The following MKLN1 variants were observed in gnomAD, a reference collection of about 807,000 sequenced individuals.
The protein encoded by MKLN1 is muskelin 1.
A neutral mutation model predicts 99.0 loss-of-function variants in MKLN1; 18 were observed. That is an observed-to-expected ratio of 0.18 (90% CI 0.13 to 0.27). The LOEUF (loss-of-function observed/expected upper bound fraction) is 0.27, where lower values mean the gene tolerates loss of function less well. Ranked by LOEUF, MKLN1 falls within the 10% of genes least tolerant of loss-of-function variation. The pLI is 1.00. For missense variants in MKLN1, 621 were observed against 875.9 expected (o/e 0.71, Z 3.67); for synonymous variants, 288 against 293.2 (o/e 0.98, Z 0.18).
chr7:131,360,285 C>A (rs1799992137), intron 1 of MKLN1, among the ~76,000 whole-genome samples: 1 of 152,142 alleles, frequency 6.6e-6, no homozygotes, highest in African/African-American at 2.4e-5. Flanking sequence ...CATTCACATA[C>A]AAATTGATTG....
At chr7:131,403,208 G>T (rs1794600637) in intron 6 of MKLN1, among the ~76,000 whole-genome samples, 1 of 152,082 alleles carries the variant, frequency 6.6e-6, no homozygotes, top group South Asian at 2.1e-4. Context: ...AACACTTGTG[G>T]CTTTACTTTG....
intron 1 of MKLN1, among the ~76,000 whole-genome samples, chr7:131,362,784 T>A (rs1340075267): frequency 3.9e-5 from 6 of 151,996 alleles, no homozygotes; most frequent in African/African-American, 1.4e-4. Flanking sequence ...TCTAGACAGA[T>A]ATTTCAAACT....
chr7:131,415,816 T>C (rs1207377093), intron 8 of MKLN1, among the ~76,000 whole-genome samples: 1 of 152,234 alleles, frequency 6.6e-6, no homozygotes, highest in Non-Finnish European at 1.5e-5. Flanking sequence ...GAATAATTAT[T>C]TATGAATATA....
chr7:131,336,764 A>C (rs1300558580), intron 1 of MKLN1, among the ~76,000 whole-genome samples: 1 of 152,108 alleles, frequency 6.6e-6, no homozygotes. Flanking sequence ...ATTGTCATGC[A>C]TTTCACGTCT....
chr7:131,279,997 A>C lies in MKLN1; in HGVS notation c.-179+77023A>C, dbSNP rs547216976. On this transcript the variant is annotated intron_variant, in intron 3 of 7. Transcript: ENST00000416992. The stretch of plus-strand genomic sequence containing the variant: ...AAGCCCACTCCAACCCCAGGCAACC[A>C]CTAATCTACTTGCTGTCTCTATGGA... 6.6e-5 allele frequency among the ~76,000 whole-genome samples: 10 copies of C among 152,176 alleles called. No homozygotes were observed. The East Asian group carries it at 1.9e-3, about 29-fold the overall frequency.
rs145204190 is a variant in MKLN1 at position 131,314,570 on chromosome 7, C to T, written c.-178-60854C>T. Among the ~76,000 whole-genome samples the T allele has an allele frequency of 5.9e-3, 891 of 151,782 alleles. 9 individuals are homozygous for T. The highest frequency in any genetic ancestry group is 0.021 in the African/African-American group (866 of 41,372). ...CCCGAGTAGCTGGGACTACAGGCAC[C>T]TGCCACCACGCCTAGCTAATTTTTT... On this transcript the variant is annotated intron_variant, in intron 3 of 7. Transcript: ENST00000416992.
intron 1 of MKLN1, among the ~76,000 whole-genome samples, chr7:131,115,959 C>A (rs183308522): frequency 1.3e-5 from 2 of 152,152 alleles, no homozygotes; most frequent in Admixed American, 1.3e-4. Context: ...GTTGAAAACT[C>A]CTCTAAAATG....
intron 16 of MKLN1, among the ~76,000 whole-genome samples, chr7:131,477,979 T>C (rs1170415202): frequency 6.6e-6 from 1 of 152,262 alleles, no homozygotes; most frequent in Non-Finnish European, 1.5e-5. Context: ...TTTGTCTTAC[T>C]CTGTTTCTTC....
intron 3 of MKLN1, among the ~76,000 whole-genome samples, chr7:131,301,790 C>T (rs1282856196): frequency 6.6e-6 from 1 of 152,122 alleles, no homozygotes; most frequent in African/African-American, 2.4e-5. Flanking sequence ...CCCCAGTTCT[C>T]TCTATTGCAG....
chr7:131,443,748 A>G, intron 11 of MKLN1, 46 bp downstream of exon 11: 1 of 1,333,602 alleles, frequency 7.5e-7, no homozygotes, highest in Admixed American at 1.7e-5. Context: ...TGTCATGTAT[A>G]TCTAGATAGG....
intron 3 of MKLN1, among the ~76,000 whole-genome samples, chr7:131,222,472 T>C (rs1323641008): frequency 1.3e-5 from 2 of 152,188 alleles, no homozygotes; most frequent in Non-Finnish European, 2.9e-5. Flanking sequence ...CTGGTTTATG[T>C]AGAGTCTCCC....
At chr7:131,271,768 G>T (rs1047020710) in intron 3 of MKLN1, among the ~76,000 whole-genome samples, 4 of 152,002 alleles carry the variant, frequency 2.6e-5, no homozygotes, top group African/African-American at 7.2e-5. Context: ...AATTAGCCAG[G>T]TGTGGTGGTG....
At position 131,478,704 on chromosome 7, in the gene MKLN1, G is replaced by A. The variant is rs1797034837; in HGVS notation, c.2086+27G>A. On this transcript the variant is annotated intron_variant, in intron 17 of 17. Coordinates refer to ENST00000352689, the MANE Select transcript of MKLN1 (RefSeq NM_013255.5). The stretch of plus-strand genomic sequence containing the variant: ...TAAGTATTGCAGTATAATTTATCCA[G>A]CTAGATGCCCTAGCATTTGGAAGGT... The A allele has an allele frequency of 2.5e-6, 4 of 1,605,878 alleles. No homozygotes were observed. The East Asian group carries it at 9.0e-5, about 36-fold the overall frequency.
intron 2 of MKLN1, among the ~76,000 whole-genome samples, chr7:131,184,397 C>A (rs1242321828): frequency 6.6e-6 from 1 of 152,122 alleles, no homozygotes; most frequent in Non-Finnish European, 1.5e-5. Flanking sequence ...TTCAGCAGAG[C>A]AAGCCTGTCC....
chr7:131,327,847 C>T (rs1798928677), upstream of MKLN1: 2 of 1,598,942 alleles, frequency 1.3e-6, no homozygotes, highest in Non-Finnish European at 1.7e-6. Flanking sequence ...CGCCCCCTCC[C>T]CTCCTCCCGT....
intron 3 of MKLN1, among the ~76,000 whole-genome samples, chr7:131,252,378 G>T (rs1166822153): frequency 7.2e-6 from 1 of 138,854 alleles, no homozygotes; most frequent in African/African-American, 2.7e-5. Flanking sequence ...ACCCAGGCTG[G>T]AGTGCAATGG....
intron 2 of MKLN1, among the ~76,000 whole-genome samples, chr7:131,170,299 A>G (rs573609256): frequency 6.6e-6 from 1 of 152,342 alleles, no homozygotes; most frequent in South Asian, 2.1e-4. Flanking sequence ...AGATAAAGAA[A>G]CTGAGGCATA....
chr7:131,218,732 T>C (rs1797020047), intron 3 of MKLN1, among the ~76,000 whole-genome samples: 2 of 152,182 alleles, frequency 1.3e-5, no homozygotes, highest in African/African-American at 4.8e-5. Flanking sequence ...CCGAGTGAAA[T>C]AAGCCAGTCA....
At chr7:131,348,825 T>G (rs1377529150) in intron 1 of MKLN1, among the ~76,000 whole-genome samples, 1 of 152,218 alleles carries the variant, frequency 6.6e-6, no homozygotes, top group Non-Finnish European at 1.5e-5. Flanking sequence ...CAGTATGGTA[T>G]AGAGAGAACA....
Sources: gnomAD v4.1 joint callset for allele counts (sites outside exome capture counted in the v4.1 genomes callset) on GRCh38, gnomAD v4.1.1 for gene constraint, MANE v1.5 for transcripts, NCBI Gene and HGNC (gene_info 2026-07-23, HGNC 2026-07-21) for gene names.